The following ZNF587 variants were observed in gnomAD, a reference collection of about 807,000 sequenced individuals.
The protein encoded by ZNF587 is zinc finger protein zfp6.
A neutral mutation model predicts 7.5 loss-of-function variants in ZNF587; 8 were observed. That is an observed-to-expected ratio of 1.06 (90% CI 0.62 to 1.92). The LOEUF (loss-of-function observed/expected upper bound fraction) is 1.92. ZNF587 is among the 40% of genes most tolerant of loss of function. The pLI is 0.00. For synonymous variants in ZNF587, 145 were observed against 237.8 expected, an observed-to-expected ratio of 0.61 and a Z score of 3.59; for missense variants, 468 against 692.8, an observed-to-expected ratio of 0.68 and a Z score of 3.64.
intron 1 of ZNF587, chr19:57,850,604 C>T (rs1218614210): frequency 2.5e-6 from 1 of 401,398 alleles, no homozygotes; most frequent in Non-Finnish European, 4.4e-6. Flanking sequence ...TTGGGGAAAC[C>T]AGCCCCACAC....
intron 1 of ZNF587, chr19:57,850,272 G>A: frequency 7.4e-6 from 6 of 815,180 alleles, no homozygotes; most frequent in Admixed American, 2.9e-5. Flanking sequence ...TATGAAGACT[G>A]GGGAATTGCG....
intron 1 of ZNF587, chr19:57,850,346 A>G: frequency 1.6e-6 from 1 of 622,102 alleles, no homozygotes; most frequent in Admixed American, 3.0e-5. Context: ...TTTATTATTC[A>G]AATCAGTCTC....
In ZNF587 at chr19:57,863,201, C is replaced by A. The variant is rs979116206; in HGVS notation, c.*3061C>A. 6.6e-6 allele frequency: 1 copy of A among 152,254 alleles called. No individual in the cohort carries two copies. The highest frequency in any genetic ancestry group is 2.4e-5 in the African/African-American group (1 of 41,458). 9.4% of individuals were successfully genotyped at this position (152,254 alleles called of 1,614,324 possible). ...TCGCAATCTCAGCTCACTGCAACTT[C>A]TACCTCCTGGATTCAAGCACTTCTC... On this transcript the variant is annotated 3_prime_UTR_variant, in exon 3 of 3. Coordinates refer to ENST00000339656, the MANE Select transcript of ZNF587 (RefSeq NM_032828.4).
At chr19:57,851,660 G>A (rs1258833511) in intron 1 of ZNF587, 2 of 152,384 alleles carry the variant, frequency 1.3e-5, no homozygotes, top group African/African-American at 4.8e-5. Flanking sequence ...GTGAGATGGA[G>A]CTCTTCCTGG....
rs1198391354 is a variant in ZNF587, at chr19:57,858,585, G to A, written c.173G>A (p.Cys58Tyr). Reference sequence around the variant, plus strand: ...ATTTTCTTGCTTTCAGGTTGTTGGTGTGGATCAAAAGATGAGGAGGCACCT... The same window carrying A: ...ATTTTCTTGCTTTCAGGTTGTTGGTATGGATCAAAAGATGAGGAGGCACCT... ...LALISSLGCWCGSKDEEAPCK... is the reference protein window; with the variant it reads ...LALISSLGCWYGSKDEEAPCK... The change falls in exon 3 of 3, where the codon TGT becomes TAT. Residue 58 changes from cysteine (C) to tyrosine (Y), a missense_variant. Physicochemically the swap from Cys to Tyr is radical, Grantham distance 194. Transcript: ENST00000339656. 2 of 1,600,024 alleles carry A rather than the reference G, an allele frequency of 1.2e-6. No homozygotes were observed. Among genetic ancestry groups the A allele is most frequent in the Non-Finnish European group, 1.7e-6 (2 of 1,172,046 alleles).
chr19:57,854,131 C>T (rs1468338624), intron 1 of ZNF587: 1 of 152,114 alleles, frequency 6.6e-6, no homozygotes, highest in Non-Finnish European at 1.5e-5. Flanking sequence ...TTCATTCAGC[C>T]TGGTGCATAT....
chr19:57,853,282 A>C (rs1199679678), intron 1 of ZNF587, among the ~76,000 whole-genome samples: 1 of 152,236 alleles, frequency 6.6e-6, no homozygotes, highest in Non-Finnish European at 1.5e-5. Flanking sequence ...TATTGACATA[A>C]TATTCACTGT....
chr19:57,855,242 G>A (rs1447003278), intron 1 of ZNF587, among the ~76,000 whole-genome samples: 1 of 151,940 alleles, frequency 6.6e-6, no homozygotes, highest in Non-Finnish European at 1.5e-5. Context: ...CTACTTGGGA[G>A]GCTGAGGCAC....
chr19:57,860,184 G>C lies in ZNF587; in HGVS notation c.*44G>C, dbSNP rs200546820. On this transcript the variant is annotated 3_prime_UTR_variant, in exon 3 of 3. Transcript: ENST00000339656. The stretch of plus-strand genomic sequence containing the variant: ...ATCGTTTGCTGAAGCATCCCGTCTC[G>C]TTAAACACAGGAGAGTTCATACTGG... 2 of 1,613,806 alleles carry C rather than the reference G, an allele frequency of 1.2e-6. No homozygotes were observed. Among genetic ancestry groups the C allele is most frequent in the Non-Finnish European group, 1.7e-6 (2 of 1,179,852 alleles).
rs372869217 is a variant in ZNF587 at position 57,858,531 on chromosome 19, C to A, written c.164-45C>A. ...GTACTTGTGGGTGGGCTGTGCCTTC[C>A]CGCCGGAGGTACTTTGCACTTGACC... On this transcript the variant is annotated intron_variant, in intron 2 of 2. Transcript: ENST00000339656. 2.0e-4 allele frequency: 323 copies of A among 1,578,078 alleles called. 1 individual carries two copies. The highest frequency in any genetic ancestry group is 2.6e-4 in the Non-Finnish European group (298 of 1,162,254).
intron 1 of ZNF587, chr19:57,851,773 AAG>A (rs1324335672): frequency 6.6e-6 from 1 of 152,258 alleles, no homozygotes; most frequent in African/African-American, 2.4e-5. Context: ...GGCTTTTAAG[AAG>A]TTTCCCAAAG....
rs1327869863 is a variant in ZNF587, at chr19:57,863,015, C to G, written c.*2875C>G. 6.5e-6 allele frequency: 1 copy of G among 153,082 alleles called. No homozygotes were observed. Among genetic ancestry groups the G allele is most frequent in the Non-Finnish European group, 1.5e-5 (1 of 68,254 alleles). The allele number at this position is 153,082 out of a possible 1,614,324, so 9.5% of individuals were successfully genotyped here. On this transcript the variant is annotated 3_prime_UTR_variant, in exon 3 of 3. Transcript: ENST00000339656. ...TCACCCAGGCTGGAGTGCAGTGGCA[C>G]GATCTCGGCTCACTGCAACTCCACC... is the stretch of plus-strand genomic sequence containing the variant.
At position 57,859,350 on chromosome 19, in the gene ZNF587, G is replaced by A; in HGVS notation, c.938G>A (p.Ser313Asn). Residue 313 changes from serine to asparagine, a missense_variant, in exon 3 of 3, where the codon AGC (serine) becomes AAC (asparagine). Coordinates refer to ENST00000339656, the MANE Select transcript of ZNF587 (RefSeq NM_032828.4). Reference protein sequence around the residue: ...KSFSQKGSLISHQLVHTGEGP... With the variant: ...KSFSQKGSLINHQLVHTGEGP... Reference sequence around the variant, plus strand: ...TTTAGTCAGAAGGGCAGCCTTATTAGCCATCAGCTTGTTCACACTGGAGAA... The same window carrying A: ...TTTAGTCAGAAGGGCAGCCTTATTAACCATCAGCTTGTTCACACTGGAGAA... 1 of 1,609,964 alleles carries A rather than the reference G, an allele frequency of 6.2e-7. No homozygotes were observed. The highest frequency in any genetic ancestry group is 8.5e-7 in the Non-Finnish European group (1 of 1,179,348).
At position 57,855,998 on chromosome 19, in the gene ZNF587, G is replaced by C. The variant is rs1445361406; in HGVS notation, c.34-106G>C. 1.6e-5 allele frequency: 25 copies of C among 1,552,494 alleles called. No homozygotes were observed. The African/African-American group carries it at 3.0e-4, about 19-fold the overall frequency. ...CCAGTGGATGTGGTTTCAACTCCGT[G>C]TTGGGGACCTTGGGAGGAGGATGGG... is the stretch of plus-strand genomic sequence containing the variant. On this transcript the variant is annotated intron_variant, in intron 1 of 2. Coordinates refer to ENST00000339656, the MANE Select transcript of ZNF587 (RefSeq NM_032828.4).
In ZNF587 at chr19:57,864,786, T is replaced by C. The variant is rs1038925665; in HGVS notation, c.*4646T>C. On this transcript the variant is annotated 3_prime_UTR_variant, in exon 3 of 3. Transcript: ENST00000339656. Reference sequence around the variant, plus strand: ...GTTTGTCTCTTGTGGTGTAAATTTTTTTTTATTACACCAAATTATGTTCAC... The same window carrying C: ...GTTTGTCTCTTGTGGTGTAAATTTTCTTTTATTACACCAAATTATGTTCAC... 4.0e-4 allele frequency: 61 copies of C among 152,316 alleles called. No homozygotes were observed. Among genetic ancestry groups the C allele is most frequent in the African/African-American group, 1.4e-3 (60 of 41,572 alleles). The allele number at this position is 152,316 out of a possible 1,614,324, so 9.4% of individuals were successfully genotyped here. A position where few individuals can be genotyped will look rare whatever the true frequency, so the allele number is the denominator to read the frequency against.
At chr19:57,851,920 C>G (rs957036626) in intron 1 of ZNF587, 1 of 160,196 alleles carries the variant, frequency 6.2e-6, no homozygotes, top group African/African-American at 2.4e-5. Context: ...GACAACCAGC[C>G]TTAGGGTTAC....
In ZNF587 at chr19:57,859,472, T is replaced by C; in HGVS notation, c.1060T>C (p.Cys354Arg). 2 of 1,612,812 alleles carry C rather than the reference T, an allele frequency of 1.2e-6. No homozygotes were observed. Among genetic ancestry groups the C allele is most frequent in the Non-Finnish European group, 8.5e-7 (1 of 1,179,858 alleles). ...QGHTGERAYH[C>R]GECGKSFRQK... ...TCACACTGGAGAGAGAGCTTATCAC[T>C]GTGGGGAATGTGGGAAATCTTTTCG... Residue 354 changes from cysteine to arginine, a missense_variant, in exon 3 of 3, where the codon TGT becomes CGT. By Grantham distance (180) the Cys-to-Arg change is radical. Transcript: ENST00000339656.
chr19:57,850,849 A>G (rs1010181098), intron 1 of ZNF587: 8 of 314,970 alleles, frequency 2.5e-5, no homozygotes, highest in East Asian at 9.8e-5. Context: ...GAGTCATTCC[A>G]TAAGATGTAA....
Position 57,859,283 on chromosome 19 carries a change from A to T in ZNF587, c.871A>T (p.Thr291Ser), listed in dbSNP as rs866740721. ...CCTTATTCAACATCAGCGAGTCCAC[A>T]CTGGACAGACAGCTTATCCCTGTGA... ...SSLIQHQRVH[T>S]GQTAYPCEEC... Residue 291 changes from threonine to serine, a missense_variant, in exon 3 of 3, where the codon ACT becomes TCT. By Grantham distance (58) the Thr-to-Ser change is moderately conservative (BLOSUM62 1). Transcript: ENST00000339656. 1.9e-6 allele frequency: 3 copies of T among 1,552,222 alleles called. 1 individual carries two copies. The Middle Eastern group carries it at 5.2e-4, about 267-fold the overall frequency.
Sources: gnomAD v4.1 joint callset for allele counts (sites outside exome capture counted in the v4.1 genomes callset) on GRCh38, gnomAD v4.1.1 for gene constraint, MANE v1.5 for transcripts, NCBI Gene and HGNC (gene_info 2026-07-23, HGNC 2026-07-21) for gene names.